Variants in SLC12A8 observed in about 807,000 individuals in gnomAD.
SLC12A8 encodes the protein cation-chloride cotransporter 9.
SLC12A8 carries 69 observed loss-of-function variants against 75.6 expected under a neutral mutation model. The observed-to-expected ratio is 0.91, with a 90% CI of 0.75 to 1.11. SLC12A8 has a LOEUF of 1.11. Among genes scored for constraint, SLC12A8 ranks in the 50% most tolerant of loss-of-function variants. The probability of loss-of-function intolerance (pLI) is 0.00; values close to 1 mark genes in which losing one functional copy is unlikely to be tolerated. For synonymous variants in SLC12A8, 365 were observed against 372.8 expected, an observed-to-expected ratio of 0.98 and a Z score of 0.24; for missense variants, 877 against 896.7, an observed-to-expected ratio of 0.98 and a Z score of 0.28.
In SLC12A8 at chr3:125,211,376, T is replaced by A; in HGVS notation, c.-27A>T. The A allele has an allele frequency of 6.2e-7, 1 of 1,606,556 alleles. No individual in the cohort carries two copies. The highest frequency in any genetic ancestry group is 1.7e-4 in the Middle Eastern group (1 of 6,052). On this transcript the variant is annotated 5_prime_UTR_variant, in exon 2 of 14. Transcript: ENST00000469902. Reference sequence around the variant, plus strand: ...CTCCAGCAAGCAGGGATCCTGGTGATCTGGACAGGGAGACTGCTCTGGAAG... The same window carrying A: ...CTCCAGCAAGCAGGGATCCTGGTGAACTGGACAGGGAGACTGCTCTGGAAG...
At chr3:125,142,294 G>T (rs1422211404) in intron 5 of SLC12A8, among the ~76,000 whole-genome samples, 1 of 152,260 alleles carries the variant, frequency 6.6e-6, no homozygotes, top group Non-Finnish European at 1.5e-5. Flanking sequence ...CCCAGCCCCA[G>T]ATGGGCTAAG....
intron 5 of SLC12A8, among the ~76,000 whole-genome samples, chr3:125,138,247 A>G (rs1161048992): frequency 1.3e-5 from 2 of 152,086 alleles, no homozygotes; most frequent in Non-Finnish European, 2.9e-5. Context: ...CTAAAAATAC[A>G]AAAATTAGCC....
intron 4 of SLC12A8, 71 bp from the exon 5 acceptor site, chr3:125,178,045 C>G: frequency 1.6e-6 from 2 of 1,253,138 alleles, no homozygotes; most frequent in South Asian, 1.3e-5. Flanking sequence ...AACCGCCCAG[C>G]GCTGAGAACC....
In SLC12A8 at chr3:125,088,445, T is replaced by C. The variant is rs1167902817; in HGVS notation, c.1922-75A>G. 3.9e-6 allele frequency: 5 copies of C among 1,292,378 alleles called. No homozygotes were observed. In the Admixed American group the frequency reaches 8.7e-5, roughly 22 times the overall value. 80.1% of individuals were successfully genotyped at this position (1,292,378 alleles called of 1,614,324 possible). A position where few individuals can be genotyped will look rare whatever the true frequency, so the allele number is the denominator to read the frequency against. On this transcript the variant is annotated intron_variant, in intron 12 of 13. Coordinates refer to ENST00000469902, the MANE Select transcript of SLC12A8 (RefSeq NM_024628.6). ...ATCTAGAAGCTCAGTTTTAATAGGG[T>C]GAATGCAAACCCCAATACACACACA...
In SLC12A8 at chr3:125,093,352, C is replaced by T. The variant is rs868701432; in HGVS notation, c.1706-1154G>A. Among the ~76,000 whole-genome samples the T allele has an allele frequency of 3.9e-5, 6 of 152,280 alleles. No individual in the cohort carries two copies. The South Asian group carries it at 1.2e-3, about 32-fold the overall frequency. On this transcript the variant is annotated intron_variant, in intron 10 of 13. Coordinates refer to ENST00000469902, the MANE Select transcript of SLC12A8 (RefSeq NM_024628.6). ...CTCCAATATCAAATTTCCACTTCAG[C>T]CAAACTCTCTTGACTGTGTCATCTC...
intron 3 of SLC12A8, among the ~76,000 whole-genome samples, chr3:125,188,696 C>G (rs1934847935): frequency 6.6e-6 from 1 of 152,210 alleles, no homozygotes; most frequent in Non-Finnish European, 1.5e-5. Context: ...TGGAGAGGGT[C>G]CTAGGAGTGG....
intron 5 of SLC12A8, among the ~76,000 whole-genome samples, chr3:125,163,764 G>A (rs1934225482): frequency 6.6e-6 from 1 of 152,166 alleles, no homozygotes; most frequent in African/African-American, 2.4e-5. Flanking sequence ...CCAAGAAAGG[G>A]GCAGAAATTC....
Position 125,177,895 on chromosome 3 carries a change from A to G in SLC12A8, c.470T>C (p.Val157Ala), listed in dbSNP as rs758290397. 2 of 1,614,234 alleles carry G rather than the reference A, an allele frequency of 1.2e-6. No homozygotes were observed. The highest frequency in any genetic ancestry group is 3.3e-5 in the Admixed American group (2 of 60,020). Residue 157 changes from valine (V) to alanine (A), a missense_variant, in exon 5 of 14, where the codon GTG (valine) becomes GCG (alanine). Val to Ala is a moderately conservative substitution (Grantham distance 64). Transcript: ENST00000469902. ...AAGCACCGCAACTGAAATTCCTCGC[A>G]CAGCCCAGATATTCCCGAGGCCCAG... ...DLLGLGNIWA[V>A]RGISVAVLLA...
rs529590542 is a variant in SLC12A8 at position 125,145,574 on chromosome 3, C to T, written c.623-9792G>A. 8.5e-5 allele frequency among the ~76,000 whole-genome samples: 13 copies of T among 152,294 alleles called. 2 individuals carry two copies. In the South Asian group the frequency reaches 2.1e-3, roughly 24 times the overall value. On this transcript the variant is annotated intron_variant, in intron 5 of 13. Coordinates refer to ENST00000469902, the MANE Select transcript of SLC12A8 (RefSeq NM_024628.6). ...AAAAGGACAAATGTTGTATAATTCC[C>T]CTTACAGTAGCTCCCCTTTATCCAC... is the stretch of plus-strand genomic sequence containing the variant.
intron 4 of SLC12A8, among the ~76,000 whole-genome samples, chr3:125,186,730 G>A (rs1207680516): frequency 2.0e-5 from 3 of 152,232 alleles, no homozygotes; most frequent in Non-Finnish European, 4.4e-5. Context: ...CTCCCTCTCA[G>A]ACAGGGCGTC....
At chr3:125,122,372 C>A (rs190899061) in intron 6 of SLC12A8, among the ~76,000 whole-genome samples, 5 of 152,086 alleles carry the variant, frequency 3.3e-5, no homozygotes, top group African/African-American at 1.2e-4. Context: ...TTGTTTTTAA[C>A]GGCCTGTTAG....
chr3:125,087,104 T>C (rs998710250), intron 13 of SLC12A8, among the ~76,000 whole-genome samples: 49 of 151,312 alleles, frequency 3.2e-4, no homozygotes, highest in Non-Finnish European at 6.8e-4. Flanking sequence ...TTTTTTTTTT[T>C]TTTTTTTTGA....
At chr3:125,143,445 C>T (rs940060229) in intron 5 of SLC12A8, among the ~76,000 whole-genome samples, 3 of 152,232 alleles carry the variant, frequency 2.0e-5, no homozygotes, top group East Asian at 1.9e-4. Context: ...GAGTCTTCCT[C>T]GGACCACAGT....
Position 125,187,383 on chromosome 3 carries a change from T to C in SLC12A8, c.244A>G (p.Ile82Val). The C allele has an allele frequency of 6.2e-7, 1 of 1,614,072 alleles. No homozygotes were observed. Among genetic ancestry groups the C allele is most frequent in the Non-Finnish European group, 8.5e-7 (1 of 1,180,008 alleles). Residue 82 changes from isoleucine to valine, a missense_variant, in exon 4 of 14, where the codon ATC (isoleucine) becomes GTC (valine). Physicochemically the swap from Ile to Val is conservative, Grantham distance 29. Coordinates refer to ENST00000469902, the MANE Select transcript of SLC12A8 (RefSeq NM_024628.6). ...LLGMFLVSFV[I>V]LVALVTVLSG... ...AGCACCGTGACGAGGGCCACCAGGA[T>C]GACGAAGGACACCAGGAACATGCCC... is the stretch of plus-strand genomic sequence containing the variant.
Position 125,107,506 on chromosome 3 carries a change from G to T in SLC12A8, c.1680C>A (p.Cys560Ter). 1 of 1,611,218 alleles carries T rather than the reference G, an allele frequency of 6.2e-7. No individual in the cohort carries two copies. Among genetic ancestry groups the T allele is most frequent in the Non-Finnish European group, 8.5e-7 (1 of 1,177,546 alleles). ...TYGEQLVPEL[C>*]NQSESSGEDF... ...CTTCTCCACTGGACTCTGATTGGTT[G>T]CACAGCTCAGGAACAAGTTGCTCTC... The change falls in exon 10 of 14, where the codon TGC becomes TGA. Residue 560 changes from cysteine (C) to a stop codon, truncating the protein, a stop_gained. Transcript: ENST00000469902. LOFTEE classifies it high-confidence loss of function.
At position 125,084,041 on chromosome 3, in the gene SLC12A8, G is replaced by A; in HGVS notation, c.1994C>T (p.Ser665Phe). 2 of 1,611,394 alleles carry A rather than the reference G, an allele frequency of 1.2e-6. No individual in the cohort carries two copies. The highest frequency in any genetic ancestry group is 1.7e-6 in the Non-Finnish European group (2 of 1,178,898). The change falls in exon 14 of 14, where the codon TCC (serine) becomes TTC (phenylalanine). Residue 665 changes from serine to phenylalanine, a missense_variant. Physicochemically the swap from Ser to Phe is radical, Grantham distance 155. Coordinates refer to ENST00000469902, the MANE Select transcript of SLC12A8 (RefSeq NM_024628.6). ...LLLPSCRSLR[S>F]PQEQIILAPS... ...CGCCAAGATGATCTGCTCCTGAGGGGACCGCAAGCTCCTGCAGTGAGAGAG... is the reference window on the plus strand; with the variant it reads ...CGCCAAGATGATCTGCTCCTGAGGGAACCGCAAGCTCCTGCAGTGAGAGAG...
At chr3:125,124,334 AT>A (rs1162064184) in intron 6 of SLC12A8, among the ~76,000 whole-genome samples, 4 of 149,914 alleles carry the variant, frequency 2.7e-5, no homozygotes, top group Non-Finnish European at 3.0e-5. Context: ...GTTTGTTTGG[AT>A]TTTTTTTTTG....
chr3:125,141,478 C>A (rs1277818171), intron 5 of SLC12A8, among the ~76,000 whole-genome samples: 1 of 152,204 alleles, frequency 6.6e-6, no homozygotes, highest in Non-Finnish European at 1.5e-5. Flanking sequence ...GGCATGGGAC[C>A]CTTGCCCTGG....
At chr3:125,159,499 A>G (rs1374148282) in intron 5 of SLC12A8, among the ~76,000 whole-genome samples, 2 of 152,266 alleles carry the variant, frequency 1.3e-5, no homozygotes, top group African/African-American at 2.4e-5. Context: ...TGGTACAGAT[A>G]TCAGTCCCAA....
Sources: gnomAD v4.1 joint callset for allele counts (sites outside exome capture counted in the v4.1 genomes callset) on GRCh38, gnomAD v4.1.1 for gene constraint, MANE v1.5 for transcripts, NCBI Gene and HGNC (gene_info 2026-07-23, HGNC 2026-07-21) for gene names.